FAM107B: variants seen among roughly 807,000 people sequenced by gnomAD.
The protein encoded by FAM107B is family with sequence similarity 107 member B.
A neutral mutation model predicts 31.5 loss-of-function variants in FAM107B; 21 were observed. The observed-to-expected ratio is 0.67, with a 90% CI of 0.47 to 0.96. The LOEUF (loss-of-function observed/expected upper bound fraction) is 0.96. FAM107B is among the 40% of genes least tolerant of loss of function. The pLI, the probability that FAM107B is intolerant of heterozygous loss-of-function variation, is 0.00. For synonymous variants in FAM107B, 157 were observed against 141.5 expected, an observed-to-expected ratio of 1.11 and a Z score of -0.78; for missense variants, 452 against 377.1, an observed-to-expected ratio of 1.20 and a Z score of -1.64.
chr10:14,586,173 T>TGA (rs1851826393), intron 2 of FAM107B, among the ~76,000 whole-genome samples: 1 of 152,194 alleles, frequency 6.6e-6, no homozygotes. Context: ...GTTCAATTCC[T>TGA]GACCTTCAGC....
chr10:14,565,335 T>G (rs922071754), intron 2 of FAM107B, among the ~76,000 whole-genome samples: 1 of 151,928 alleles, frequency 6.6e-6, no homozygotes, highest in Non-Finnish European at 1.5e-5. Context: ...GGGAGAGCAT[T>G]TGATGAAATG....
intron 2 of FAM107B, among the ~76,000 whole-genome samples, chr10:14,588,861 C>T (rs537588451): frequency 6.6e-6 from 1 of 152,066 alleles, no homozygotes; most frequent in South Asian, 2.1e-4. Flanking sequence ...AAGTTGATTC[C>T]TTCATGATGT....
chr10:14,739,564 G>A (rs1856387710), intron 1 of FAM107B, among the ~76,000 whole-genome samples: 1 of 152,178 alleles, frequency 6.6e-6, no homozygotes, highest in Admixed American at 6.5e-5. Context: ...TGGAATGTGT[G>A]ACTTGGGCCT....
At chr10:14,709,759 C>G (rs550879093) in intron 1 of FAM107B, among the ~76,000 whole-genome samples, 1 of 152,310 alleles carries the variant, frequency 6.6e-6, no homozygotes, top group South Asian at 2.1e-4. Context: ...AGTGCACAAT[C>G]AACCCGTGAA....
At chr10:14,557,551 T>A (rs1008651430) in intron 2 of FAM107B, among the ~76,000 whole-genome samples, 6 of 152,102 alleles carry the variant, frequency 3.9e-5, no homozygotes, top group African/African-American at 1.4e-4. Flanking sequence ...TGGGATTCTT[T>A]GTCATTTAAC....
chr10:14,582,440 A>G (rs1200754956), intron 2 of FAM107B, among the ~76,000 whole-genome samples: 7 of 143,138 alleles, frequency 4.9e-5, no homozygotes, highest in Non-Finnish European at 1.0e-4. Flanking sequence ...GCAGTGGCAC[A>G]ATCTCTGCTC....
At chr10:14,642,956 G>T (rs917062992) in intron 2 of FAM107B, among the ~76,000 whole-genome samples, 1 of 151,956 alleles carries the variant, frequency 6.6e-6, no homozygotes, top group African/African-American at 2.4e-5. Context: ...TATTTTTAGT[G>T]TGCACCCCCA....
chr10:14,696,678 A>G (rs1855273363), intron 1 of FAM107B, among the ~76,000 whole-genome samples: 1 of 152,152 alleles, frequency 6.6e-6, no homozygotes, highest in South Asian at 2.1e-4. Flanking sequence ...CAGTGTTTGC[A>G]GTGTGTTTAC....
In FAM107B at chr10:14,572,736, A is replaced by ATTATAT. The variant is rs1455058375; in HGVS notation, c.470-42222_470-42221insATATAA. Among the ~76,000 whole-genome samples, 60 of 86,458 alleles carry ATTATAT rather than the reference A, an allele frequency of 6.9e-4. 2 individuals carry two copies. The highest frequency in any genetic ancestry group is 2.4e-3 in the African/African-American group (59 of 24,876). 56.7% of individuals were successfully genotyped at this position (86,458 alleles called of 152,430 possible). A position where few individuals can be genotyped will look rare whatever the true frequency, so the allele number is the denominator to read the frequency against. On this transcript the variant is annotated intron_variant, in intron 2 of 4. Transcript: ENST00000181796. ...CCCCATCTCTTCAAAAAAAAAAAAAAATTTATATATATATATATATATATT... is the reference window on the plus strand; with the variant it reads ...CCCCATCTCTTCAAAAAAAAAAAAAATTATATATTTATATATATATATATATATATT...
intron 2 of FAM107B, among the ~76,000 whole-genome samples, chr10:14,542,420 G>A (rs1332918058): frequency 6.6e-6 from 1 of 152,072 alleles, no homozygotes. Flanking sequence ...AATACCTCTT[G>A]TAGGATACTG....
intron 2 of FAM107B, among the ~76,000 whole-genome samples, chr10:14,634,461 G>C (rs1037357785): frequency 6.6e-6 from 1 of 151,710 alleles, no homozygotes; most frequent in Non-Finnish European, 1.5e-5. Context: ...ATAACAGGCA[G>C]CCAAAGCTGG....
In FAM107B at chr10:14,572,129, G is replaced by A. The variant is rs1261150975; in HGVS notation, c.470-41614C>T. On this transcript the variant is annotated intron_variant, in intron 2 of 4. Transcript: ENST00000181796. ...AAAGAGAAACACTCTAGCAACTTCTGAAAGCAGGAACTGTATGCAACTGAA... is the reference window on the plus strand; with the variant it reads ...AAAGAGAAACACTCTAGCAACTTCTAAAAGCAGGAACTGTATGCAACTGAA... The A allele has an allele frequency of 4.1e-6, 4 of 985,238 alleles. No individual in the cohort carries two copies. In the South Asian group the frequency reaches 1.9e-4, roughly 46 times the overall value. The allele number at this position is 985,238 out of a possible 1,614,324, so 61.0% of individuals were successfully genotyped here. A position where few individuals can be genotyped will look rare whatever the true frequency, so the allele number is the denominator to read the frequency against.
At chr10:14,731,702 A>G (rs1188778183) in intron 1 of FAM107B, among the ~76,000 whole-genome samples, 1 of 152,190 alleles carries the variant, frequency 6.6e-6, no homozygotes, top group Non-Finnish European at 1.5e-5. Context: ...GTATAATACC[A>G]TCTTTTTACT....
intron 2 of FAM107B, among the ~76,000 whole-genome samples, chr10:14,541,730 G>A (rs184796623): frequency 1.2e-4 from 19 of 152,272 alleles, no homozygotes; most frequent in Admixed American, 3.3e-4. Context: ...AAAGACCTCT[G>A]AGTGACTTCC....
At chr10:14,522,342 G>A (rs1012593749) in intron 3 of FAM107B, 7 of 224,436 alleles carry the variant, frequency 3.1e-5, no homozygotes, top group Middle Eastern at 1.8e-3. Flanking sequence ...GGGTGCCCAT[G>A]ACAGAGACGG....
chr10:14,564,352 C>T (rs1457976432), intron 2 of FAM107B, among the ~76,000 whole-genome samples: 2 of 151,996 alleles, frequency 1.3e-5, no homozygotes, highest in Non-Finnish European at 2.9e-5. Flanking sequence ...CACATTTAGT[C>T]TCTGAATAAT....
intron 1 of FAM107B, among the ~76,000 whole-genome samples, chr10:14,749,565 G>C (rs1182245208): frequency 6.6e-6 from 1 of 152,162 alleles, no homozygotes; most frequent in East Asian, 1.9e-4. Flanking sequence ...AATGAATAAT[G>C]TAACAGCCTT....
chr10:14,541,710 G>A (rs1337385743), intron 2 of FAM107B, among the ~76,000 whole-genome samples: 1 of 152,168 alleles, frequency 6.6e-6, no homozygotes, highest in Non-Finnish European at 1.5e-5. Flanking sequence ...GTCAATCTCT[G>A]CAGAAGGGAA....
At chr10:14,734,488 G>GTGTTTTTGTTTTTGTTTTTTTTTT (rs558940939) in intron 1 of FAM107B, among the ~76,000 whole-genome samples, 10 of 138,546 alleles carry the variant, frequency 7.2e-5, no homozygotes, top group African/African-American at 2.7e-4. Flanking sequence ...TTTTTGTGAG[G>GTGTTTTTGTTTTTGTTTTTTTTTT]TTTTTTTTTT....
Sources: allele counts gnomAD v4.1 joint callset (sites outside exome capture counted in the v4.1 genomes callset), GRCh38; gene constraint gnomAD v4.1.1; transcripts MANE v1.5; gene names NCBI Gene and HGNC (gene_info 2026-07-23, HGNC 2026-07-21).